FRMPD4: variants seen among roughly 807,000 people sequenced by gnomAD.
The protein encoded by FRMPD4 is FERM and PDZ domain containing 4.
A neutral mutation model predicts 94.1 loss-of-function variants in FRMPD4; 22 were observed. The observed-to-expected ratio is 0.23, with a 90% confidence interval of 0.17 to 0.33. The LOEUF is 0.33. Ranked by LOEUF, FRMPD4 falls within the 10% of genes least tolerant of loss-of-function variation. The pLI is 1.00. For missense variants in FRMPD4, 1,111 were observed against 1,339.9 expected (o/e 0.83, Z 2.67); for synonymous variants, 631 against 548.6 (o/e 1.15, Z -2.10).
At chrX:12,434,537 C>T (rs193106819) in intron 1 of FRMPD4, among the ~76,000 whole-genome samples, 19 of 112,495 alleles carry the variant, frequency 1.7e-4, no homozygotes, top group Non-Finnish European at 3.2e-4. Context: ...TCTAGAAGCT[C>T]CCAGGAAACT....
At chrX:12,201,607 G>C (rs186001202) in intron 1 of FRMPD4, among the ~76,000 whole-genome samples, 1 of 112,081 alleles carries the variant, frequency 8.9e-6, no homozygotes, top group African/African-American at 3.2e-5. Context: ...AATAAATGAA[G>C]TGCCAGGAAG....
intron 1 of FRMPD4, among the ~76,000 whole-genome samples, chrX:12,452,782 A>G (rs1157219528): frequency 1.8e-5 from 2 of 111,949 alleles, no homozygotes; most frequent in African/African-American, 3.2e-5. Context: ...GATGAGACTA[A>G]AATTGCTACT....
chrX:12,411,723 C>T (rs2056734245), intron 1 of FRMPD4, among the ~76,000 whole-genome samples: 1 of 111,796 alleles, frequency 8.9e-6, no homozygotes, highest in African/African-American at 3.2e-5. Flanking sequence ...CCATCCGAGA[C>T]CTGAGCTATT....
chrX:12,238,643 A>G (rs985140287), intron 1 of FRMPD4, among the ~76,000 whole-genome samples: 1 of 112,314 alleles, frequency 8.9e-6, no homozygotes, highest in Non-Finnish European at 1.9e-5. Context: ...AGTTAGTTTC[A>G]TATCTCTTTA....
At chrX:12,260,866 T>C (rs753580268) in intron 1 of FRMPD4, among the ~76,000 whole-genome samples, 14 of 112,241 alleles carry the variant, frequency 1.2e-4, no homozygotes, top group African/African-American at 4.5e-4. Flanking sequence ...CTAGATGAAC[T>C]TCTCTTTTTT....
At chrX:11,878,629 A>G (rs770295932) in intron 3 of FRMPD4, among the ~76,000 whole-genome samples, 7 of 112,320 alleles carry the variant, frequency 6.2e-5, no homozygotes, top group Non-Finnish European at 1.3e-4. Flanking sequence ...AGTTCAGACT[A>G]TTGCTGAATG....
At chrX:12,067,798 A>T (rs917087108) in intron 3 of FRMPD4, among the ~76,000 whole-genome samples, 7 of 112,029 alleles carry the variant, frequency 6.2e-5, no homozygotes, top group Admixed American at 9.5e-5. Flanking sequence ...TACTGATCTG[A>T]TTACTCAGTA....
intron 4 of FRMPD4, among the ~76,000 whole-genome samples, chrX:12,663,747 T>C (rs1349535005): frequency 8.9e-6 from 1 of 112,653 alleles, no homozygotes; most frequent in African/African-American, 3.2e-5. Flanking sequence ...AGAAAGTCAA[T>C]GGTAACCTGA....
At chrX:12,571,085 C>G (rs966016996) in intron 2 of FRMPD4, among the ~76,000 whole-genome samples, 1 of 112,003 alleles carries the variant, frequency 8.9e-6, no homozygotes, top group Non-Finnish European at 1.9e-5. Context: ...GAAACCTAAA[C>G]TTTGAGGTAA....
intron 3 of FRMPD4, among the ~76,000 whole-genome samples, chrX:11,933,292 G>A (rs2054132252): frequency 8.9e-6 from 1 of 111,811 alleles, no homozygotes; most frequent in Admixed American, 9.5e-5. Flanking sequence ...GGTATTTATT[G>A]TTTCACACTA....
In FRMPD4 at chrX:12,428,242, T is replaced by G. The variant is rs189739525; in HGVS notation, c.42-70438T>G. Among the ~76,000 whole-genome samples the G allele has an allele frequency of 2.4e-3, 268 of 111,829 alleles. 3 individuals carry two copies. The highest frequency in any genetic ancestry group is 8.4e-3 in the African/African-American group (258 of 30,786). On this transcript the variant is annotated intron_variant, in intron 1 of 16. Transcript: ENST00000675598. ...TGTTTTATTGTTTTGATGATGTAAA[T>G]GTTATTCTCTGCCTAGCCAAGTATC...
chrX:11,866,663 G>A (rs971476731), intron 2 of FRMPD4, among the ~76,000 whole-genome samples: 3 of 112,066 alleles, frequency 2.7e-5, no homozygotes, highest in African/African-American at 9.7e-5. Context: ...AATATATTAA[G>A]AGATCTTAAA....
At chrX:12,359,105 G>C (rs1300773802) in intron 1 of FRMPD4, among the ~76,000 whole-genome samples, 1 of 111,529 alleles carries the variant, frequency 9.0e-6, no homozygotes, top group Non-Finnish European at 1.9e-5. Flanking sequence ...TGTCATTGCT[G>C]GTAGGTCTAT....
intron 3 of FRMPD4, among the ~76,000 whole-genome samples, chrX:12,022,371 C>T (rs2054636411): frequency 9.1e-6 from 1 of 110,058 alleles, no homozygotes; most frequent in African/African-American, 3.3e-5. Context: ...AGAGTTAGGC[C>T]CACTCTTTCC....
chrX:12,153,120 T>C (rs2055883605), intron 1 of FRMPD4, among the ~76,000 whole-genome samples: 1 of 110,546 alleles, frequency 9.0e-6, no homozygotes. Flanking sequence ...GTATTTTTAG[T>C]AGAGACGGGG....
At chrX:11,888,425 A>T (rs768966698) in intron 3 of FRMPD4, among the ~76,000 whole-genome samples, 5 of 112,406 alleles carry the variant, frequency 4.4e-5, no homozygotes, top group Non-Finnish European at 7.5e-5. Flanking sequence ...TAGTGAAATT[A>T]TGTGTGCCAT....
At chrX:12,537,965 C>T (rs1248531076) in intron 2 of FRMPD4, among the ~76,000 whole-genome samples, 4 of 110,840 alleles carry the variant, frequency 3.6e-5, no homozygotes, top group Admixed American at 1.9e-4. Context: ...TCTGCATTTC[C>T]AACTGAGGTA....
At chrX:12,389,784 A>G (rs1042984769) in intron 1 of FRMPD4, among the ~76,000 whole-genome samples, 10 of 112,026 alleles carry the variant, frequency 8.9e-5, no homozygotes, top group Non-Finnish European at 1.5e-4. Context: ...GACCCTTGCT[A>G]AATACTTAAC....
chrX:11,951,485 G>A (rs2054223105), intron 3 of FRMPD4, among the ~76,000 whole-genome samples: 1 of 111,741 alleles, frequency 8.9e-6, no homozygotes, highest in Admixed American at 9.5e-5. Context: ...GCAAACTAAC[G>A]TGGGAACAGA....
Sources: allele counts gnomAD v4.1 joint callset (sites outside exome capture counted in the v4.1 genomes callset), GRCh38; gene constraint gnomAD v4.1.1; transcripts MANE v1.5; gene names NCBI Gene and HGNC (gene_info 2026-07-23, HGNC 2026-07-21).